Variants in TMEM255A observed in about 807,000 individuals in gnomAD.
TMEM255A encodes family with sequence similarity 70, member A.
Under a neutral mutation model 23.5 loss-of-function variants are expected in TMEM255A, and 14 were observed. The ratio of observed to expected loss-of-function variants is 0.60; its 90% CI spans 0.39 to 0.93. The LOEUF (loss-of-function observed/expected upper bound fraction) is 0.93. Ranked by LOEUF, TMEM255A falls within the 40% of genes least tolerant of loss-of-function variation. TMEM255A has a pLI of 0.00. For missense variants in TMEM255A, 233 were observed against 261.7 expected (o/e 0.89, Z 0.76); for synonymous variants, 104 against 100.3 (o/e 1.04, Z -0.22).
chrX:120,310,290 G>A (rs2058090668), intron 1 of TMEM255A, among the ~76,000 whole-genome samples: 1 of 112,067 alleles, frequency 8.9e-6, no homozygotes, highest in African/African-American at 3.2e-5. Context: ...TCCGCCCAGT[G>A]AAATCACAGG....
At chrX:120,287,034 C>G in intron 5 of TMEM255A, 120 bp downstream of exon 5, 1 of 624,047 alleles carries the variant, frequency 1.6e-6, no homozygotes, top group Non-Finnish European at 2.7e-6. Context: ...CTGAACAAAT[C>G]AGCTATACAT....
chrX:120,297,157 A>AAT lies in TMEM255A; in HGVS notation c.202-3108_202-3107dup, dbSNP rs1298331003. Among the ~76,000 whole-genome samples, 35 of 51,816 alleles carry AAT rather than the reference A, an allele frequency of 6.8e-4. 1 individual carries two copies. The highest frequency in any genetic ancestry group is 6.7e-4 in the Admixed American group (2 of 2,972). 45.0% of individuals were successfully genotyped at this position (51,816 alleles called of 115,157 possible). A position where few individuals can be genotyped will look rare whatever the true frequency, so the allele number is the denominator to read the frequency against. ...TATTATATATATTATATTATATTATAATATATATATTATATATAATATAAT... is the reference window on the plus strand; with the variant it reads ...TATTATATATATTATATTATATTATAATATATATATATTATATATAATATAAT... On this transcript the variant is annotated intron_variant, in intron 2 of 8. Transcript: ENST00000371369.
intron 2 of TMEM255A, among the ~76,000 whole-genome samples, chrX:120,294,721 C>G: frequency 9.0e-6 from 1 of 111,213 alleles, no homozygotes; most frequent in South Asian, 3.7e-4. Flanking sequence ...TTATTTTTAT[C>G]TTTTTTTTGA....
Position 120,259,624 on chromosome X carries a change from A to T in TMEM255A, c.*1246T>A, listed in dbSNP as rs2057662844. 8.9e-6 allele frequency: 1 copy of T among 112,168 alleles called. No homozygotes were observed. Among genetic ancestry groups the T allele is most frequent in the African/African-American group, 3.3e-5 (1 of 30,742 alleles). 9.2% of individuals were successfully genotyped at this position (112,168 alleles called of 1,213,427 possible). A position where few individuals can be genotyped will look rare whatever the true frequency, so the allele number is the denominator to read the frequency against. ...TTCCTTTAAATCAATTCTCAGGTTA[A>T]CATAAGATCACAATGAAGGTGTTCA... On this transcript the variant is annotated 3_prime_UTR_variant, in exon 9 of 9. Coordinates refer to ENST00000371369, the MANE Select transcript of TMEM255A (RefSeq NM_001104544.3).
At chrX:120,283,444 A>T (rs1306844534) in intron 6 of TMEM255A, among the ~76,000 whole-genome samples, 1 of 110,592 alleles carries the variant, frequency 9.0e-6, no homozygotes, top group East Asian at 2.8e-4. Context: ...AGAGTAACTG[A>T]CCCCAAAATA....
At chrX:120,268,131 C>A (rs2147181932) in intron 8 of TMEM255A, 113 bp downstream of exon 8, 1 of 874,739 alleles carries the variant, frequency 1.1e-6, no homozygotes, top group South Asian at 3.2e-5. Flanking sequence ...TGCATGGCTA[C>A]CTCATACATA....
At chrX:120,309,703 GCT>G (rs1215484274) in intron 1 of TMEM255A, among the ~76,000 whole-genome samples, 6 of 111,002 alleles carry the variant, frequency 5.4e-5, no homozygotes, top group Non-Finnish European at 9.5e-5. Context: ...TCTCGCTGTC[GCT>G]CTCTCTCGCT....
chrX:120,301,056 C>T (rs1163933258), intron 2 of TMEM255A, among the ~76,000 whole-genome samples: 1 of 110,998 alleles, frequency 9.0e-6, no homozygotes, highest in African/African-American at 3.3e-5. Context: ...ACAGTTCAGA[C>T]TGTACAGACT....
At chrX:120,269,695 C>G (rs946799823) in intron 7 of TMEM255A, among the ~76,000 whole-genome samples, 13 of 111,750 alleles carry the variant, frequency 1.2e-4, no homozygotes, top group Non-Finnish European at 2.3e-4. Context: ...TTGTCAGCCT[C>G]TTTAATGTGT....
intron 6 of TMEM255A, among the ~76,000 whole-genome samples, chrX:120,281,124 T>C (rs782757293): frequency 8.9e-6 from 1 of 112,620 alleles, no homozygotes; most frequent in Non-Finnish European, 1.9e-5. Context: ...ATGATGTTTC[T>C]GTCAAAATCG....
chrX:120,265,670 C>T (rs2057711849), intron 8 of TMEM255A, among the ~76,000 whole-genome samples: 1 of 112,122 alleles, frequency 8.9e-6, no homozygotes, highest in Non-Finnish European at 1.9e-5. Flanking sequence ...TTTCACTTAC[C>T]ACCTCTGTGA....
intron 2 of TMEM255A, among the ~76,000 whole-genome samples, chrX:120,296,676 T>C (rs1431461699): frequency 6.3e-5 from 4 of 63,195 alleles, no homozygotes; most frequent in Non-Finnish European, 1.1e-4. Flanking sequence ...TAATATATAT[T>C]ATATTTAATA....
In TMEM255A at chrX:120,308,274, G is replaced by A. The variant is rs781935838; in HGVS notation, c.58+2978C>T. Among the ~76,000 whole-genome samples, 45 of 112,158 alleles carry A rather than the reference G, an allele frequency of 4.0e-4. No individual in the cohort carries two copies. The East Asian group carries it at 0.011, about 29-fold the overall frequency. On this transcript the variant is annotated intron_variant, in intron 1 of 8. Transcript: ENST00000371369. ...TGTATCTGAGGGAACCAAGATGTGA[G>A]TTGCTAGAAGGTAGGATGCTGTCTC...
intron 6 of TMEM255A, among the ~76,000 whole-genome samples, chrX:120,279,724 A>G (rs1340482788): frequency 9.0e-6 from 1 of 111,293 alleles, no homozygotes; most frequent in Non-Finnish European, 1.9e-5. Context: ...TTACTTTCTT[A>G]CTCTTAGGTT....
chrX:120,296,862 A>T (rs782658800), intron 2 of TMEM255A, among the ~76,000 whole-genome samples: 68 of 1,772 alleles, frequency 0.038, 14 homozygotes, highest in South Asian at 0.083. Context: ...TATAATATAT[A>T]ATATATTATA....
intron 2 of TMEM255A, among the ~76,000 whole-genome samples, chrX:120,299,268 T>C (rs2058018826): frequency 8.9e-6 from 1 of 111,929 alleles, no homozygotes; most frequent in African/African-American, 3.3e-5. Context: ...CTAAGCTTCC[T>C]GAGTAGCTGG....
intron 1 of TMEM255A, among the ~76,000 whole-genome samples, chrX:120,309,409 C>T (rs1305803675): frequency 2.7e-5 from 3 of 113,111 alleles, no homozygotes; most frequent in African/African-American, 6.4e-5. Flanking sequence ...GTTCCCCAAC[C>T]CACAGAGCAG....
chrX:120,298,146 A>T (rs2058009604), intron 2 of TMEM255A, among the ~76,000 whole-genome samples: 1 of 111,762 alleles, frequency 8.9e-6, no homozygotes, highest in Non-Finnish European at 1.9e-5. Context: ...GTCAGATTCA[A>T]GGGCTTTTTT....
At chrX:120,280,418 AT>A (rs58027054) in intron 6 of TMEM255A, among the ~76,000 whole-genome samples, 6,859 of 105,767 alleles carry the variant, frequency 0.065, 259 homozygotes, top group African/African-American at 0.14. Flanking sequence ...CAGCCATTTA[AT>A]TTTTTTTTTT....
Sources: allele counts gnomAD v4.1 joint callset (sites outside exome capture counted in the v4.1 genomes callset), GRCh38; gene constraint gnomAD v4.1.1; transcripts MANE v1.5; gene names NCBI Gene and HGNC (gene_info 2026-07-23, HGNC 2026-07-21).